Variants in SESN1 observed in about 807,000 individuals in gnomAD.
SESN1 encodes the protein sestrin-1.
SESN1 carries 30 observed loss-of-function variants against 59.3 expected under a neutral mutation model. The ratio of observed to expected loss-of-function variants is 0.51; its 90% confidence interval spans 0.38 to 0.69. The LOEUF (loss-of-function observed/expected upper bound fraction) is 0.69, where lower values mean the gene tolerates loss of function less well. Ranked by LOEUF, SESN1 falls within the 30% of genes least tolerant of loss-of-function variation. SESN1 has a pLI of 0.00. For synonymous variants in SESN1, 197 were observed against 219.9 expected (o/e 0.90, Z 0.92); for missense variants, 566 against 673.0 (o/e 0.84, Z 1.76).
chr6:109,062,365 G>A (rs529331964), intron 1 of SESN1, among the ~76,000 whole-genome samples: 10 of 152,320 alleles, frequency 6.6e-5, no homozygotes, highest in African/African-American at 2.4e-4. Context: ...AGTCTGAGGC[G>A]CACAGAGCGA....
chr6:109,063,179 AAT>A (rs1460792554), intron 1 of SESN1, among the ~76,000 whole-genome samples: 2 of 152,148 alleles, frequency 1.3e-5, no homozygotes, highest in Non-Finnish European at 2.9e-5. Flanking sequence ...GGGGAGCATG[AAT>A]ATGTCTGTCA....
intron 1 of SESN1, among the ~76,000 whole-genome samples, chr6:109,039,145 AGAAGGAAGG>A (rs1780298135): frequency 2.7e-5 from 4 of 150,888 alleles, no homozygotes; most frequent in Non-Finnish European, 4.4e-5. Flanking sequence ...AAAGAAGAGG[AGAAGGAAGG>A]AGGAGGAGGA....
intron 1 of SESN1, among the ~76,000 whole-genome samples, chr6:109,070,776 T>A (rs1466771169): frequency 6.6e-6 from 1 of 152,240 alleles, no homozygotes; most frequent in Non-Finnish European, 1.5e-5. Context: ...ATAGCATTTT[T>A]CAAACTATAA....
intron 1 of SESN1, among the ~76,000 whole-genome samples, chr6:109,004,401 A>AAGATTAC (rs2114319497): frequency 6.6e-6 from 1 of 152,256 alleles, no homozygotes; most frequent in South Asian, 2.1e-4. Flanking sequence ...ATTTTAAAGA[A>AAGATTAC]AGATTACTAT....
At chr6:109,027,611 T>C (rs1247325108) in intron 1 of SESN1, among the ~76,000 whole-genome samples, 1 of 152,078 alleles carries the variant, frequency 6.6e-6, no homozygotes, top group Non-Finnish European at 1.5e-5. Flanking sequence ...CATGGGACAT[T>C]TGATAATGTC....
chr6:109,071,902 G>C (rs779392303), intron 1 of SESN1, among the ~76,000 whole-genome samples: 2 of 152,138 alleles, frequency 1.3e-5, no homozygotes, highest in Non-Finnish European at 2.9e-5. Flanking sequence ...TTTAGCAATG[G>C]TTCTTAATCT....
chr6:109,030,117 T>C, intron 1 of SESN1, among the ~76,000 whole-genome samples: 1 of 152,160 alleles, frequency 6.6e-6, no homozygotes, highest in East Asian at 1.9e-4. Context: ...ACGTGTCTGC[T>C]TCCTCTGATT....
intron 1 of SESN1, among the ~76,000 whole-genome samples, chr6:109,086,492 C>A (rs115443986): frequency 0.017 from 2,519 of 152,322 alleles, 83 homozygotes; most frequent in African/African-American, 0.058. Flanking sequence ...GCAAATTTCT[C>A]ATGGCTTATC....
chr6:109,044,431 G>A (rs1410820034), intron 1 of SESN1, among the ~76,000 whole-genome samples: 4 of 147,038 alleles, frequency 2.7e-5, no homozygotes, highest in African/African-American at 7.5e-5. Flanking sequence ...ACATCCATAC[G>A]CAAAGAAAAG....
intron 1 of SESN1, among the ~76,000 whole-genome samples, chr6:109,033,790 G>A (rs893884804): frequency 3.9e-5 from 6 of 152,120 alleles, no homozygotes; most frequent in Non-Finnish European, 7.4e-5. Flanking sequence ...CTGGACAGAA[G>A]AAATATTTAT....
intron 1 of SESN1, among the ~76,000 whole-genome samples, chr6:109,015,271 T>G (rs1046109713): frequency 6.6e-6 from 1 of 152,140 alleles, no homozygotes; most frequent in African/African-American, 2.4e-5. Context: ...TCCTTGGAAC[T>G]CATAGATACC....
At chr6:109,092,130 G>A (rs1309259681) in intron 1 of SESN1, among the ~76,000 whole-genome samples, 1 of 152,256 alleles carries the variant, frequency 6.6e-6, no homozygotes, top group Non-Finnish European at 1.5e-5. Context: ...CAGGATGAAA[G>A]AGTCTTGAAA....
intron 1 of SESN1, among the ~76,000 whole-genome samples, chr6:109,036,733 T>A (rs1227623561): frequency 6.6e-6 from 1 of 152,236 alleles, no homozygotes; most frequent in Non-Finnish European, 1.5e-5. Context: ...GAGGAAGTGC[T>A]ACCACAATTT....
intron 7 of SESN1, among the ~76,000 whole-genome samples, chr6:108,992,100 C>T (rs12154092): frequency 0.098 from 14,948 of 151,810 alleles, 898 homozygotes; most frequent in Middle Eastern, 0.19. Context: ...TGCCCCTTAG[C>T]TTATTTATTA....
intron 1 of SESN1, among the ~76,000 whole-genome samples, chr6:109,074,627 A>G (rs1780999847): frequency 6.6e-6 from 1 of 152,226 alleles, no homozygotes. Context: ...AATTGATAGT[A>G]AAGTACACCA....
Position 108,988,595 on chromosome 6 carries a change from ACCTTT to A in SESN1, c.1512_1516del (p.Glu504AspfsTer7). On this transcript the variant is annotated frameshift_variant, in exon 9 of 10. Coordinates refer to ENST00000436639, the MANE Select transcript of SESN1 (RefSeq NM_014454.3). LOFTEE classifies it high-confidence loss of function. ...GAAGCTATCATACATTCTTTTGGTA[ACCTTT>A]TCAGGAGTGCAAACAACAGTTTTGA... is the stretch of plus-strand genomic sequence containing the variant. 1 of 1,613,330 alleles carries A rather than the reference ACCTTT, an allele frequency of 6.2e-7. No individual in the cohort carries two copies. Among genetic ancestry groups the A allele is most frequent in the Non-Finnish European group, 8.5e-7 (1 of 1,179,724 alleles).
chr6:109,021,372 T>G (rs1372759495), intron 1 of SESN1, among the ~76,000 whole-genome samples: 1 of 152,172 alleles, frequency 6.6e-6, no homozygotes, highest in African/African-American at 2.4e-5. Context: ...CCCCAATATT[T>G]CATTGTTTTC....
chr6:109,009,550 G>C, intron 1 of SESN1: 9 of 995,466 alleles, frequency 9.0e-6, no homozygotes, highest in Non-Finnish European at 1.0e-5. Flanking sequence ...AGTCAGCACG[G>C]ACGGCGGGGG....
chr6:109,090,373 C>T (rs1461134060), intron 1 of SESN1, among the ~76,000 whole-genome samples: 1 of 152,152 alleles, frequency 6.6e-6, no homozygotes, highest in African/African-American at 2.4e-5. Flanking sequence ...GTTAGGGGGC[C>T]AACCCTCCAC....
Sources: gnomAD v4.1 joint callset for allele counts (sites outside exome capture counted in the v4.1 genomes callset) on GRCh38, gnomAD v4.1.1 for gene constraint, MANE v1.5 for transcripts, NCBI Gene and HGNC (gene_info 2026-07-23, HGNC 2026-07-21) for gene names.